Variants in SGCZ observed in about 807,000 individuals in gnomAD.
SGCZ encodes the protein sarcoglycan zeta.
A neutral mutation model predicts 41.3 loss-of-function variants in SGCZ; 40 were observed. That is an observed-to-expected ratio of 0.97 (90% confidence interval 0.75 to 1.26). SGCZ has a LOEUF of 1.26. SGCZ is among the 50% of genes most tolerant of loss of function. The probability of loss-of-function intolerance (pLI) is 0.00; values close to 1 mark genes in which losing one functional copy is unlikely to be tolerated. For synonymous variants in SGCZ, 206 were observed against 137.5 expected (o/e 1.50, Z -3.49); for missense variants, 552 against 369.8 (o/e 1.49, Z -4.04).
At chr8:14,890,647 T>C (rs962160353) in intron 1 of SGCZ, among the ~76,000 whole-genome samples, 2 of 152,174 alleles carry the variant, frequency 1.3e-5, no homozygotes, top group African/African-American at 4.8e-5. Flanking sequence ...ATCCAGAAGA[T>C]CTAGTGAGGA....
intron 1 of SGCZ, among the ~76,000 whole-genome samples, chr8:14,935,267 T>C (rs528151437): frequency 1.6e-4 from 25 of 151,918 alleles, no homozygotes; most frequent in Non-Finnish European, 2.5e-4. Flanking sequence ...TGGTATCACA[T>C]GTATCCTTTT....
chr8:15,042,377 T>A (rs1804135435), intron 1 of SGCZ, among the ~76,000 whole-genome samples: 1 of 151,954 alleles, frequency 6.6e-6, no homozygotes, highest in South Asian at 2.1e-4. Context: ...TCTGATAGAG[T>A]AAGTAAGGTT....
At chr8:15,073,925 T>A (rs908753003) in intron 1 of SGCZ, among the ~76,000 whole-genome samples, 1 of 152,234 alleles carries the variant, frequency 6.6e-6, no homozygotes, top group Non-Finnish European at 1.5e-5. Flanking sequence ...TATGTGCTTA[T>A]CTCTGCACAT....
At chr8:15,002,066 G>T (rs549682332) in intron 1 of SGCZ, among the ~76,000 whole-genome samples, 1 of 152,158 alleles carries the variant, frequency 6.6e-6, no homozygotes, top group African/African-American at 2.4e-5. Flanking sequence ...GTTGCATAGA[G>T]TTGCCGTGAA....
At position 15,138,445 on chromosome 8, in the gene SGCZ, G is replaced by A. The variant is rs542341431; in HGVS notation, c.39+99140C>T. On this transcript the variant is annotated intron_variant, in intron 1 of 7. Transcript: ENST00000382080. ...AAAGGGGCCAAGGGCAGAATAATAT[G>A]GTTGGGCGGCACCCCCACTCAAATC... 4.3e-4 allele frequency among the ~76,000 whole-genome samples: 66 copies of A among 152,164 alleles called. 1 individual carries two copies. The South Asian group carries it at 0.012, about 28-fold the overall frequency.
chr8:14,442,589 G>T (rs894887545), intron 2 of SGCZ, among the ~76,000 whole-genome samples: 1 of 152,136 alleles, frequency 6.6e-6, no homozygotes, highest in African/African-American at 2.4e-5. Flanking sequence ...TTGACAATAT[G>T]TAACAAAGTT....
At chr8:14,358,746 G>C (rs1346833896) in intron 2 of SGCZ, among the ~76,000 whole-genome samples, 3 of 152,014 alleles carry the variant, frequency 2.0e-5, no homozygotes, top group African/African-American at 7.3e-5. Context: ...GAGTAGCTGG[G>C]ATTACAGGCA....
In SGCZ at chr8:14,237,145, T is replaced by C. The variant is rs572542596; in HGVS notation, c.424+447A>G. 2.6e-5 allele frequency among the ~76,000 whole-genome samples: 4 copies of C among 152,260 alleles called. No homozygotes were observed. The South Asian group carries it at 8.3e-4, about 32-fold the overall frequency. The stretch of plus-strand genomic sequence containing the variant: ...AGTTTATTTATTATAATTTAACATA[T>C]GCTATGAAAATATTTCTTAGAAAAA... On this transcript the variant is annotated intron_variant, in intron 4 of 7. Transcript: ENST00000382080.
At chr8:14,164,735 T>C (rs762048642) in intron 4 of SGCZ, 33 bp from the exon 5 acceptor site, 2 of 1,608,442 alleles carry the variant, frequency 1.2e-6, no homozygotes, top group African/African-American at 1.3e-5. Context: ...AAAATGAAAC[T>C]GGTATGCAGG....
intron 1 of SGCZ, among the ~76,000 whole-genome samples, chr8:14,720,335 A>G (rs1261431813): frequency 6.6e-6 from 1 of 152,110 alleles, no homozygotes; most frequent in African/African-American, 2.4e-5. Flanking sequence ...TTAAGTAGCT[A>G]TCACTAACTG....
intron 1 of SGCZ, among the ~76,000 whole-genome samples, chr8:14,572,642 AC>A (rs1184896219): frequency 6.6e-6 from 1 of 152,106 alleles, no homozygotes; most frequent in Admixed American, 6.5e-5. Flanking sequence ...TCAAAGCCAT[AC>A]CCTACTCAGT....
At chr8:15,031,831 C>T (rs551130259) in intron 1 of SGCZ, among the ~76,000 whole-genome samples, 83 of 151,716 alleles carry the variant, frequency 5.5e-4, no homozygotes, top group African/African-American at 1.1e-3. Context: ...AGCATCTCTA[C>T]GTTGCAGTCG....
chr8:14,222,005 G>T (rs543225745), intron 4 of SGCZ, among the ~76,000 whole-genome samples: 4 of 151,940 alleles, frequency 2.6e-5, no homozygotes, highest in Middle Eastern at 3.2e-3. Context: ...ACCCAGGAGA[G>T]ATTGGAATAA....
At chr8:14,339,886 T>C (rs879541734) in intron 2 of SGCZ, among the ~76,000 whole-genome samples, 2 of 151,926 alleles carry the variant, frequency 1.3e-5, no homozygotes, top group African/African-American at 2.4e-5. Context: ...AATAGAATAC[T>C]ATAAAGAGAG....
intron 2 of SGCZ, among the ~76,000 whole-genome samples, chr8:14,470,806 A>C (rs1212926115): frequency 6.6e-6 from 1 of 152,204 alleles, no homozygotes; most frequent in Non-Finnish European, 1.5e-5. Flanking sequence ...TCGAGTTCCT[A>C]GAAAAGATTG....
chr8:15,178,417 G>A (rs968515440), intron 1 of SGCZ, among the ~76,000 whole-genome samples: 45 of 151,996 alleles, frequency 3.0e-4, no homozygotes, highest in African/African-American at 1.1e-3. Flanking sequence ...CCCATGTAGC[G>A]AATGGGACTC....
intron 1 of SGCZ, among the ~76,000 whole-genome samples, chr8:14,600,276 T>A (rs939446858): frequency 6.6e-6 from 1 of 152,198 alleles, no homozygotes; most frequent in Admixed American, 6.5e-5. Context: ...TTGGACTCAA[T>A]TCCTGTGCAT....
intron 4 of SGCZ, among the ~76,000 whole-genome samples, chr8:14,177,602 C>T (rs902318993): frequency 4.0e-4 from 60 of 151,582 alleles, no homozygotes; most frequent in Admixed American, 1.6e-3. Flanking sequence ...CTCCGCCTCC[C>T]GGGTTCATGC....
intron 3 of SGCZ, among the ~76,000 whole-genome samples, chr8:14,251,285 T>C (rs529102208): frequency 1.1e-4 from 16 of 152,230 alleles, no homozygotes; most frequent in East Asian, 7.7e-4. Flanking sequence ...GGCACTGATA[T>C]CTAACATCAT....
Sources: gnomAD v4.1 joint callset for allele counts (sites outside exome capture counted in the v4.1 genomes callset) on GRCh38, gnomAD v4.1.1 for gene constraint, MANE v1.5 for transcripts, NCBI Gene and HGNC (gene_info 2026-07-23, HGNC 2026-07-21) for gene names.